The following ETV1 variants were observed in gnomAD, a reference collection of about 807,000 sequenced individuals.
ETV1 encodes the protein ETS variant transcription factor 1, also known as ETS translocation variant 1.
In ETV1, 27 loss-of-function variants were observed where a neutral mutation model predicts 62.3. The observed-to-expected ratio is 0.43, with a 90% confidence interval of 0.32 to 0.60. The LOEUF is 0.60. Among genes scored for constraint, ETV1 ranks in the 20% least tolerant of loss-of-function variants. ETV1 has a pLI of 0.06. For synonymous variants in ETV1, 222 were observed against 199.6 expected, an observed-to-expected ratio of 1.11 and a Z score of -0.94; for missense variants, 605 against 605.8, an observed-to-expected ratio of 1.00 and a Z score of 0.01.
At chr7:13,973,185 A>G (rs1460593428) in intron 6 of ETV1, among the ~76,000 whole-genome samples, 3 of 152,188 alleles carry the variant, frequency 2.0e-5, no homozygotes, top group African/African-American at 7.2e-5. Flanking sequence ...ATTGAGCAAA[A>G]TTTTGCTCTT....
In ETV1 at chr7:13,893,054, G is replaced by A. The variant is rs1445267109; in HGVS notation, c.*2812C>T. The A allele has an allele frequency of 1.3e-5, 3 of 232,700 alleles. No homozygotes were observed. In the Admixed American group the frequency reaches 1.7e-4, roughly 13 times the overall value. 14.4% of individuals were successfully genotyped at this position (232,700 alleles called of 1,614,324 possible). On this transcript the variant is annotated 3_prime_UTR_variant, in exon 14 of 14. Transcript: ENST00000430479. The stretch of plus-strand genomic sequence containing the variant: ...TGTCAGTCTTGTGGATTTTTATTCT[G>A]AAGCACTTTTCATGGACATAACAAG...
At chr7:13,934,855 G>T (rs1786611938) in intron 8 of ETV1, among the ~76,000 whole-genome samples, 1 of 152,104 alleles carries the variant, frequency 6.6e-6, no homozygotes. Context: ...CCCAGCAAAA[G>T]CTACTGATGA....
At chr7:13,970,660 G>A (rs1292999420) in intron 6 of ETV1, among the ~76,000 whole-genome samples, 1 of 151,812 alleles carries the variant, frequency 6.6e-6, no homozygotes, top group African/African-American at 2.4e-5. Flanking sequence ...AAACTTAATC[G>A]GGCAAGAAAG....
intron 6 of ETV1, among the ~76,000 whole-genome samples, chr7:13,956,941 T>G (rs1400258931): frequency 6.6e-6 from 1 of 152,130 alleles, no homozygotes; most frequent in Non-Finnish European, 1.5e-5. Context: ...AAAATTAAGA[T>G]GTGATTATTA....
At chr7:13,927,273 C>A (rs191061035) in intron 9 of ETV1, among the ~76,000 whole-genome samples, 2 of 152,148 alleles carry the variant, frequency 1.3e-5, no homozygotes, top group East Asian at 1.9e-4. Flanking sequence ...ACATGATGAA[C>A]CCCTGTCTCT....
At chr7:13,927,373 AC>A (rs1436034095) in intron 9 of ETV1, among the ~76,000 whole-genome samples, 82 of 152,246 alleles carry the variant, frequency 5.4e-4, no homozygotes, top group Non-Finnish European at 1.5e-5. Flanking sequence ...AACTGCTTGA[AC>A]CTGGGAGCTG....
At chr7:13,942,455 T>C (rs1296207663) in intron 6 of ETV1, among the ~76,000 whole-genome samples, 1 of 152,176 alleles carries the variant, frequency 6.6e-6, no homozygotes, top group Non-Finnish European at 1.5e-5. Flanking sequence ...AGATTTATTA[T>C]ATAGGTAAGC....
chr7:13,985,372 T>TA (rs1317240314), intron 5 of ETV1: 2 of 152,162 alleles, frequency 1.3e-5, no homozygotes, highest in African/African-American at 4.8e-5. Context: ...AACATATAAA[T>TA]ACAATCATCC....
chr7:13,974,629 A>C (rs2128497502), intron 6 of ETV1, among the ~76,000 whole-genome samples: 1 of 152,378 alleles, frequency 6.6e-6, no homozygotes, highest in African/African-American at 2.4e-5. Flanking sequence ...CCATGAAATT[A>C]AGATATTTTT....
At chr7:13,907,933 A>G (rs1783142016) in intron 11 of ETV1, 1 of 431,940 alleles carries the variant, frequency 2.3e-6, no homozygotes, top group Non-Finnish European at 4.7e-6. Flanking sequence ...ATGATAATAT[A>G]GAAGTGTATC....
At chr7:13,928,885 G>T (rs1044475469) in intron 9 of ETV1, among the ~76,000 whole-genome samples, 2 of 152,004 alleles carry the variant, frequency 1.3e-5, no homozygotes, top group Admixed American at 6.5e-5. Flanking sequence ...TTGGACCCGG[G>T]GGTCGGAGGT....
intron 6 of ETV1, chr7:13,958,806 G>A (rs993256397): frequency 9.2e-5 from 14 of 152,200 alleles, no homozygotes; most frequent in African/African-American, 3.4e-4. Context: ...AGGATGTTAT[G>A]AAGATTGGCT....
At chr7:13,900,218 G>C (rs924687263) in intron 13 of ETV1, among the ~76,000 whole-genome samples, 1 of 152,138 alleles carries the variant, frequency 6.6e-6, no homozygotes, top group African/African-American at 2.4e-5. Flanking sequence ...AACCAAATAA[G>C]ATCAAATGTT....
At chr7:13,980,790 T>A (rs1048149570) in intron 5 of ETV1, among the ~76,000 whole-genome samples, 10 of 152,156 alleles carry the variant, frequency 6.6e-5, no homozygotes, top group Middle Eastern at 3.4e-3. Context: ...GTTTTACTGT[T>A]TTCTGTCTTT....
chr7:13,951,668 C>T (rs952781575), intron 6 of ETV1, among the ~76,000 whole-genome samples: 2 of 152,192 alleles, frequency 1.3e-5, no homozygotes, highest in African/African-American at 4.8e-5. Context: ...TGAAGGACTT[C>T]TGGTAAGCTA....
At chr7:13,980,804 C>T (rs73278760) in intron 5 of ETV1, among the ~76,000 whole-genome samples, 3,476 of 152,080 alleles carry the variant, frequency 0.023, 148 homozygotes, top group African/African-American at 0.08. Flanking sequence ...TGTCTTTTTG[C>T]TACGTATCAA....
intron 5 of ETV1, among the ~76,000 whole-genome samples, chr7:13,983,805 A>G (rs112815757): frequency 2.6e-5 from 4 of 151,962 alleles, no homozygotes; most frequent in African/African-American, 7.2e-5. Flanking sequence ...AAATCTCTGT[A>G]TGGGAATTAA....
At chr7:13,950,785 T>C (rs1788712853) in intron 6 of ETV1, among the ~76,000 whole-genome samples, 1 of 151,904 alleles carries the variant, frequency 6.6e-6, no homozygotes, top group Non-Finnish European at 1.5e-5. Context: ...AACTCAGAGG[T>C]TGACAACATT....
Position 13,893,900 on chromosome 7 carries a change from T to C in ETV1, c.*1966A>G, listed in dbSNP as rs150225408. 4.6e-4 allele frequency: 107 copies of C among 233,268 alleles called. 1 individual carries two copies. The highest frequency in any genetic ancestry group is 2.6e-3 in the Middle Eastern group (2 of 782). The allele number at this position is 233,268 out of a possible 1,614,324, so 14.4% of individuals were successfully genotyped here. ...CAAAATGGGCCAAAATAATACATGATGTATATGAACAACAATCATTGAAAT... is the reference window on the plus strand; with the variant it reads ...CAAAATGGGCCAAAATAATACATGACGTATATGAACAACAATCATTGAAAT... On this transcript the variant is annotated 3_prime_UTR_variant, in exon 14 of 14. Transcript: ENST00000430479.
Sources: allele counts gnomAD v4.1 joint callset (sites outside exome capture counted in the v4.1 genomes callset), GRCh38; gene constraint gnomAD v4.1.1; transcripts MANE v1.5; gene names NCBI Gene and HGNC (gene_info 2026-07-23, HGNC 2026-07-21).